The following SYNJ2 variants were observed in gnomAD, a reference collection of about 807,000 sequenced individuals.
SYNJ2 encodes synaptojanin 2, also known as polyphosphatidylinositol phosphatase SYNJ2.
SYNJ2 carries 116 observed loss-of-function variants against 141.3 expected under a neutral mutation model. That is an observed-to-expected ratio of 0.82 (90% CI 0.71 to 0.96). The LOEUF (loss-of-function observed/expected upper bound fraction) is 0.96. SYNJ2 is among the 40% of genes least tolerant of loss of function. The pLI is 0.00. For synonymous variants in SYNJ2, 745 were observed against 777.7 expected (o/e 0.96, Z 0.70); for missense variants, 1,873 against 1,934.8 (o/e 0.97, Z 0.60).
chr6:157,982,090 T>G lies in SYNJ2; in HGVS notation c.127+2T>G. 1 of 1,331,420 alleles carries G rather than the reference T, an allele frequency of 7.5e-7. No individual in the cohort carries two copies. The highest frequency in any genetic ancestry group is 9.6e-7 in the Non-Finnish European group (1 of 1,043,054). The allele number at this position is 1,331,420 out of a possible 1,614,324, so 82.5% of individuals were successfully genotyped here. ...AGGCCGGCACGGTGGCCACGCTGGG[T>G]GAGTCCGGGCCGGGGGCAGCGACGC... is the stretch of plus-strand genomic sequence containing the variant. On this transcript the variant is annotated splice_donor_variant, in intron 1 of 26. Transcript: ENST00000355585. LOFTEE classifies it high-confidence loss of function. The surrounding 1 kb of genome is among the most constrained non-coding windows in gnomAD (Gnocchi z 4.0).
chr6:158,089,752 G>A, intron 24 of SYNJ2, 87 bp from the exon 25 acceptor site: 1 of 937,386 alleles, frequency 1.1e-6, no homozygotes, highest in Non-Finnish European at 1.7e-6. Context: ...GTGGAGCCCT[G>A]CACAGACCCA....
chr6:158,068,743 G>A lies in SYNJ2; in HGVS notation c.1799+15G>A, dbSNP rs1562378428. ...GTCAATGCCAGGTAAGGGGCCAGGT[G>A]TGCGGGGCCAGGCAGGGACTTCCTG... On this transcript the variant is annotated intron_variant, in intron 13 of 26. Coordinates refer to ENST00000355585, the MANE Select transcript of SYNJ2 (RefSeq NM_003898.4). 1 of 1,613,488 alleles carries A rather than the reference G, an allele frequency of 6.2e-7. No homozygotes were observed. The highest frequency in any genetic ancestry group is 8.5e-7 in the Non-Finnish European group (1 of 1,179,926).
intron 24 of SYNJ2, 147 bp downstream of exon 24, chr6:158,088,919 G>A (rs1025261054): frequency 1.6e-5 from 10 of 613,210 alleles, no homozygotes; most frequent in African/African-American, 1.5e-4. Context: ...ACCCTTCCTC[G>A]CAGGTTCTCC....
chr6:158,074,626 T>G lies in SYNJ2; in HGVS notation c.2180T>G (p.Phe727Cys). 6.2e-7 allele frequency: 1 copy of G among 1,613,904 alleles called. No homozygotes were observed. Among genetic ancestry groups the G allele is most frequent in the Non-Finnish European group, 8.5e-7 (1 of 1,179,974 alleles). Residue 727 changes from phenylalanine to cysteine, a missense_variant, in exon 16 of 27, where the codon TTC becomes TGC. Phe to Cys is a radical substitution (Grantham distance 205, BLOSUM62 -2). Transcript: ENST00000355585. ...GATTATGTATTTTGGTGTGGCGATT[T>G]CAACTACCGCATTGATCTTACTTAT... is the stretch of plus-strand genomic sequence containing the variant. ...SHDYVFWCGD[F>C]NYRIDLTYEE...
intron 15 of SYNJ2, among the ~76,000 whole-genome samples, chr6:158,072,226 A>G (rs1360476768): frequency 2.1e-4 from 32 of 152,292 alleles, no homozygotes; most frequent in Admixed American, 2.1e-3. Flanking sequence ...GGCTCAGATA[A>G]GCACACCCTT....
chr6:158,044,145 C>T (rs536463314), intron 5 of SYNJ2, among the ~76,000 whole-genome samples: 2 of 152,322 alleles, frequency 1.3e-5, no homozygotes, highest in South Asian at 2.1e-4. Flanking sequence ...GGGCCTTTGT[C>T]GCCTCTCGGC....
intron 9 of SYNJ2, among the ~76,000 whole-genome samples, chr6:158,064,149 T>G (rs1456124916): frequency 6.6e-6 from 1 of 152,216 alleles, no homozygotes; most frequent in Non-Finnish European, 1.5e-5. Flanking sequence ...CGGTTGTGTG[T>G]AATGATTATC....
At position 158,094,297 on chromosome 6, in the gene SYNJ2, C is replaced by T. The variant is rs112515008; in HGVS notation, c.3744+1193C>T. Among the ~76,000 whole-genome samples the T allele has an allele frequency of 1.4e-3, 202 of 148,630 alleles. 1 individual carries two copies. Among genetic ancestry groups the T allele is most frequent in the African/African-American group, 4.6e-3 (185 of 40,168 alleles). On this transcript the variant is annotated intron_variant, in intron 26 of 26. Coordinates refer to ENST00000355585, the MANE Select transcript of SYNJ2 (RefSeq NM_003898.4). ...AAACCCATCGTAAGTTGAAAAATAG[C>T]GTGTCAAAACTGCATCTCATACACC...
intron 4 of SYNJ2, among the ~76,000 whole-genome samples, chr6:158,042,456 G>A (rs1234645305): frequency 6.6e-6 from 1 of 152,252 alleles, no homozygotes; most frequent in African/African-American, 2.4e-5. Flanking sequence ...GGAACGGAAA[G>A]GACCACAGCA....
In SYNJ2 at chr6:158,082,647, G is replaced by A. The variant is rs562787892; in HGVS notation, c.2866-782G>A. Reference sequence around the variant, plus strand: ...ACTGCACTCCAGCCTGGGTGACAGCGAGACCCTGTCTCAAAAAACCAAACA... The same window carrying A: ...ACTGCACTCCAGCCTGGGTGACAGCAAGACCCTGTCTCAAAAAACCAAACA... On this transcript the variant is annotated intron_variant, in intron 20 of 26. Coordinates refer to ENST00000355585, the MANE Select transcript of SYNJ2 (RefSeq NM_003898.4). 5.3e-4 allele frequency among the ~76,000 whole-genome samples: 80 copies of A among 152,266 alleles called. 1 individual carries two copies. The highest frequency in any genetic ancestry group is 1.0e-3 in the Non-Finnish European group (70 of 68,028).
Position 158,066,585 on chromosome 6 carries a change from C to T in SYNJ2, c.1667C>T (p.Thr556Ile), listed in dbSNP as rs752979087. The T allele has an allele frequency of 1.2e-6, 2 of 1,614,116 alleles. No homozygotes were observed. Among genetic ancestry groups the T allele is most frequent in the East Asian group, 4.5e-5 (2 of 44,880 alleles). ...RSNVLRTAEL[T>I]DWLLDSPQLS... ...AACGTGCTCAGGACGGCGGAGCTGA[C>T]AGACTGGCTGCTCGACTCGCCCCAG... The change falls in exon 12 of 27, where the codon ACA becomes ATA. Residue 556 changes from threonine to isoleucine, a missense_variant. Thr to Ile is a moderately conservative substitution (Grantham distance 89). Coordinates refer to ENST00000355585, the MANE Select transcript of SYNJ2 (RefSeq NM_003898.4).
At chr6:158,094,556 C>T (rs1294217812) in intron 26 of SYNJ2, among the ~76,000 whole-genome samples, 3 of 152,166 alleles carry the variant, frequency 2.0e-5, no homozygotes, top group South Asian at 2.1e-4. Context: ...CATTGTAAGT[C>T]GGGGACCACC....
At chr6:158,006,719 C>G (rs1465891984) in intron 1 of SYNJ2, among the ~76,000 whole-genome samples, 1 of 152,218 alleles carries the variant, frequency 6.6e-6, no homozygotes, top group Non-Finnish European at 1.5e-5. Flanking sequence ...GTCGCCCTGG[C>G]TGGAGTGCAG....
In SYNJ2 at chr6:158,076,668, A is replaced by C. The variant is rs1583475026; in HGVS notation, c.2335A>C (p.Thr779Pro). Residue 779 changes from threonine to proline, a missense_variant, in exon 17 of 27, where the codon ACC (threonine) becomes CCC (proline). Physicochemically the swap from Thr to Pro is conservative, Grantham distance 38. Transcript: ENST00000355585. Reference protein sequence around the residue: ...FHEGAINFGPTYKYDVGSAAY... With the variant: ...FHEGAINFGPPYKYDVGSAAY... ...CGAAGGAGCCATTAACTTTGGACCC[A>C]CCTACAAGTATGACGTTGGCTCAGC... The C allele has an allele frequency of 6.2e-7, 1 of 1,614,180 alleles. No individual in the cohort carries two copies. Among genetic ancestry groups the C allele is most frequent in the Non-Finnish European group, 8.5e-7 (1 of 1,180,014 alleles).
intron 5 of SYNJ2, among the ~76,000 whole-genome samples, chr6:158,052,698 C>G (rs1780636520): frequency 6.6e-6 from 1 of 152,182 alleles, no homozygotes; most frequent in Admixed American, 6.5e-5. Context: ...CCATATGATC[C>G]AAACACCTCC....
At chr6:158,063,684 A>AC (rs1781371446) in intron 8 of SYNJ2, 107 bp from the exon 9 acceptor site, 1 of 670,702 alleles carries the variant, frequency 1.5e-6, no homozygotes, top group Non-Finnish European at 2.4e-6. Context: ...AAAAAAAAAA[A>AC]AAACCATGTT....
At chr6:158,091,281 A>T (rs907066853) in intron 25 of SYNJ2, among the ~76,000 whole-genome samples, 1 of 152,058 alleles carries the variant, frequency 6.6e-6, no homozygotes, top group African/African-American at 2.4e-5. Flanking sequence ...GCACCACTGC[A>T]CTCCAGCCTG....
At chr6:158,023,625 T>C (rs1778890774) in intron 2 of SYNJ2, among the ~76,000 whole-genome samples, 1 of 152,018 alleles carries the variant, frequency 6.6e-6, no homozygotes, top group Non-Finnish European at 1.5e-5. Context: ...CCCTCTGAGG[T>C]CTCCCTGCTT....
rs191558865 is a variant in SYNJ2, at chr6:157,982,838, T to C, written c.127+750T>C. ...TAAGTTGCTTGCCAAGGTGACACCA[T>C]CCACCTGACTTTTATGTGGCTGTTT... On this transcript the variant is annotated intron_variant, in intron 1 of 26. Coordinates refer to ENST00000355585, the MANE Select transcript of SYNJ2 (RefSeq NM_003898.4). The surrounding 1 kb of genome is among the most constrained non-coding windows in gnomAD (Gnocchi z 4.0). 4.2e-4 allele frequency among the ~76,000 whole-genome samples: 64 copies of C among 152,374 alleles called. No individual in the cohort carries two copies. Among genetic ancestry groups the C allele is most frequent in the African/African-American group, 1.3e-3 (56 of 41,590 alleles).
Sources: allele counts gnomAD v4.1 joint callset (sites outside exome capture counted in the v4.1 genomes callset), GRCh38; gene constraint gnomAD v4.1.1; non-coding constraint Gnocchi (gnomAD v3.1); transcripts MANE v1.5; gene names NCBI Gene and HGNC (gene_info 2026-07-23, HGNC 2026-07-21).